DLG2: variants seen among roughly 807,000 people sequenced by gnomAD.
DLG2 encodes disks large homolog 2.
DLG2 carries 45 observed loss-of-function variants against 132.5 expected under a neutral mutation model. The ratio of observed to expected loss-of-function variants is 0.34; its 90% CI spans 0.27 to 0.44. The LOEUF (loss-of-function observed/expected upper bound fraction) is 0.44. Ranked by LOEUF, DLG2 falls within the 20% of genes least tolerant of loss-of-function variation. DLG2 has a pLI of 1.00. For synonymous variants in DLG2, 424 were observed against 419.6 expected (o/e 1.01, Z -0.13); for missense variants, 1,045 against 1,196.9 (o/e 0.87, Z 1.87).
chr11:83,542,222 A>T (rs981070112), intron 19 of DLG2, among the ~76,000 whole-genome samples: 11 of 151,908 alleles, frequency 7.2e-5, no homozygotes, highest in Non-Finnish European at 1.5e-4. Context: ...TACTAAAAAA[A>T]GTAAAATAAT....
chr11:83,830,721 C>G (rs544697991), intron 17 of DLG2, among the ~76,000 whole-genome samples: 52 of 152,294 alleles, frequency 3.4e-4, no homozygotes, highest in African/African-American at 1.2e-3. Flanking sequence ...TTGAGTTCAG[C>G]TTTATAGTCA....
intron 11 of DLG2, among the ~76,000 whole-genome samples, chr11:83,993,894 TGTTGAA>T (rs1285779844): frequency 6.6e-6 from 1 of 152,120 alleles, no homozygotes; most frequent in Admixed American, 6.5e-5. Context: ...TCATCTCACA[TGTTGAA>T]GTTTGATGAG....
intron 3 of DLG2, among the ~76,000 whole-genome samples, chr11:85,497,455 G>A (rs1230289462): frequency 2.0e-5 from 3 of 152,224 alleles, no homozygotes; most frequent in African/African-American, 7.2e-5. Flanking sequence ...CAGTTGACTG[G>A]TGTACTGGAA....
chr11:83,654,956 T>C (rs2071882317), intron 18 of DLG2, among the ~76,000 whole-genome samples: 1 of 152,210 alleles, frequency 6.6e-6, no homozygotes, highest in African/African-American at 2.4e-5. Context: ...CTATCACAAA[T>C]AACTGTACAT....
At chr11:84,064,139 T>A (rs1454082285) in intron 10 of DLG2, among the ~76,000 whole-genome samples, 2 of 151,956 alleles carry the variant, frequency 1.3e-5, no homozygotes, top group African/African-American at 4.8e-5. Context: ...AACAAAAAAA[T>A]TTTTCCGCCA....
chr11:84,926,590 G>A (rs763714304), intron 6 of DLG2, among the ~76,000 whole-genome samples: 19 of 151,844 alleles, frequency 1.3e-4, no homozygotes, highest in Non-Finnish European at 1.3e-4. Flanking sequence ...AGAGGTGTGG[G>A]GTGTGGGTGT....
At chr11:84,598,958 A>C (rs1000166997) in intron 6 of DLG2, among the ~76,000 whole-genome samples, 11 of 142,358 alleles carry the variant, frequency 7.7e-5, no homozygotes, top group Middle Eastern at 4.5e-3. Context: ...AATAAAACAA[A>C]TCTTGGCCAG....
At chr11:84,903,260 C>G (rs1295284116) in intron 6 of DLG2, among the ~76,000 whole-genome samples, 3 of 152,200 alleles carry the variant, frequency 2.0e-5, no homozygotes, top group Non-Finnish European at 4.4e-5. Context: ...TCTTTACTCT[C>G]TGAACACAGT....
chr11:83,964,403 A>G (rs1019551341), intron 13 of DLG2, among the ~76,000 whole-genome samples: 1 of 152,062 alleles, frequency 6.6e-6, no homozygotes. Context: ...TGCAATGGGC[A>G]GGAAATAAAA....
chr11:84,983,753 A>C (rs1244813812), intron 6 of DLG2, among the ~76,000 whole-genome samples: 1 of 152,216 alleles, frequency 6.6e-6, no homozygotes, highest in Non-Finnish European at 1.5e-5. Context: ...AAAATAATAC[A>C]AGAAGTGAAG....
chr11:84,550,553 C>T (rs2099399906), intron 6 of DLG2, among the ~76,000 whole-genome samples: 2 of 152,294 alleles, frequency 1.3e-5, no homozygotes, highest in South Asian at 4.1e-4. Context: ...GTGAAATTGG[C>T]ACTTGCCTAG....
intron 17 of DLG2, among the ~76,000 whole-genome samples, chr11:83,799,919 A>C (rs1486915474): frequency 6.6e-6 from 1 of 152,234 alleles, no homozygotes; most frequent in Non-Finnish European, 1.5e-5. Flanking sequence ...GATGTAGAAG[A>C]AGCTTGATAT....
rs566246685 is a variant in DLG2 at position 85,617,784 on chromosome 11, A to C, written c.-93+8803T>G. ...AAGTATTACCATGCTTTTAATGATA[A>C]AGATGTCACAGTCCTTCAAAATGAT... is the stretch of plus-strand genomic sequence containing the variant. On this transcript the variant is annotated intron_variant, in intron 2 of 27. Transcript: ENST00000376104. 1.4e-3 allele frequency among the ~76,000 whole-genome samples: 215 copies of C among 152,350 alleles called. 1 individual carries two copies. Among genetic ancestry groups the C allele is most frequent in the African/African-American group, 5.0e-3 (207 of 41,580 alleles).
intron 11 of DLG2, among the ~76,000 whole-genome samples, chr11:83,984,209 GATAGAT>G (rs1282458769): frequency 4.2e-5 from 6 of 144,184 alleles, no homozygotes; most frequent in African/African-American, 1.7e-4. Context: ...TAGATAGATA[GATAGAT>G]AGATAGATAG....
intron 15 of DLG2, among the ~76,000 whole-genome samples, chr11:83,907,590 A>G (rs2075258052): frequency 6.6e-6 from 1 of 152,168 alleles, no homozygotes; most frequent in Non-Finnish European, 1.5e-5. Context: ...ACTTGATAGG[A>G]TGCTTGTGAG....
intron 7 of DLG2, 29 bp from the exon 8 acceptor site, chr11:84,251,320 A>G: frequency 6.8e-7 from 1 of 1,479,806 alleles, no homozygotes; most frequent in South Asian, 1.3e-5. Flanking sequence ...AAAAAATTAA[A>G]TAATGAATAG....
At chr11:84,430,281 C>CA (rs577821344) in intron 7 of DLG2, among the ~76,000 whole-genome samples, 41 of 151,098 alleles carry the variant, frequency 2.7e-4, no homozygotes, top group South Asian at 1.9e-3. Context: ...ACTAGAAATA[C>CA]AAAAAAAATT....
intron 11 of DLG2, among the ~76,000 whole-genome samples, chr11:84,034,291 T>G (rs2095801027): frequency 6.6e-6 from 1 of 152,052 alleles, no homozygotes; most frequent in Non-Finnish European, 1.5e-5. Context: ...ATAAAGTATT[T>G]TTTAATTAAG....
intron 21 of DLG2, among the ~76,000 whole-genome samples, chr11:83,509,567 C>A (rs1319122994): frequency 6.6e-6 from 1 of 152,108 alleles, no homozygotes; most frequent in Non-Finnish European, 1.5e-5. Context: ...GGTACCCCAT[C>A]TCTTATGGTA....
Sources: gnomAD v4.1 joint callset for allele counts (sites outside exome capture counted in the v4.1 genomes callset) on GRCh38, gnomAD v4.1.1 for gene constraint, MANE v1.5 for transcripts, NCBI Gene and HGNC (gene_info 2026-07-23, HGNC 2026-07-21) for gene names.